The following PPP1R16B variants were observed in gnomAD, a reference collection of about 807,000 sequenced individuals.
The protein encoded by PPP1R16B is protein phosphatase 1 regulatory inhibitor subunit 16B.
Under a neutral mutation model 61.7 loss-of-function variants are expected in PPP1R16B, and 14 were observed. The observed-to-expected ratio is 0.23, with a 90% CI of 0.15 to 0.35. The LOEUF (loss-of-function observed/expected upper bound fraction) is 0.35. Among genes scored for constraint, PPP1R16B ranks in the 10% least tolerant of loss-of-function variants. The pLI, the probability that PPP1R16B is intolerant of heterozygous loss-of-function variation, is 1.00. For synonymous variants in PPP1R16B, 266 were observed against 305.3 expected, an observed-to-expected ratio of 0.87 and a Z score of 1.34; for missense variants, 547 against 752.5, an observed-to-expected ratio of 0.73 and a Z score of 3.19.
intron 1 of PPP1R16B, among the ~76,000 whole-genome samples, chr20:38,814,220 G>A (rs889925755): frequency 2.0e-5 from 3 of 152,122 alleles, no homozygotes; most frequent in African/African-American, 4.8e-5. Flanking sequence ...CAGGACATCC[G>A]GCTTCAAAGT....
At chr20:38,895,816 T>TCCTTCCTTCTTTCTTCCCTCCCTC (rs2085331879) in intron 4 of PPP1R16B, 106 bp downstream of exon 4, 77 of 568,608 alleles carry the variant, frequency 1.4e-4, no homozygotes, top group Middle Eastern at 1.2e-3. Context: ...TCTCCTCCCT[T>TCCTTCCTTCTTTCTTCCCTCCCTC]CCTCCTTCCT....
chr20:38,859,324 G>C (rs2085031317), intron 2 of PPP1R16B, among the ~76,000 whole-genome samples: 1 of 151,892 alleles, frequency 6.6e-6, no homozygotes. Flanking sequence ...GGGAGGGTGT[G>C]TGAAATGTTC....
intron 2 of PPP1R16B, among the ~76,000 whole-genome samples, chr20:38,873,677 TG>T (rs1234784647): frequency 6.6e-6 from 1 of 151,880 alleles, no homozygotes; most frequent in Non-Finnish European, 1.5e-5. Context: ...GTCCACACTA[TG>T]ACAGCTGGCT....
At position 38,919,489 on chromosome 20, in the gene PPP1R16B, G is replaced by T. The variant is rs979916556; in HGVS notation, c.*823G>T. On this transcript the variant is annotated 3_prime_UTR_variant, in exon 11 of 11. Coordinates refer to ENST00000299824, the MANE Select transcript of PPP1R16B (RefSeq NM_015568.4). ...TCAAAGGCAGAAGGGTGTGGGAGGGGGACAAGGTCAGTATTTACCAAAGTG... is the reference window on the plus strand; with the variant it reads ...TCAAAGGCAGAAGGGTGTGGGAGGGTGACAAGGTCAGTATTTACCAAAGTG... 6.6e-5 allele frequency: 10 copies of T among 152,114 alleles called. No homozygotes were observed. Among genetic ancestry groups the T allele is most frequent in the Non-Finnish European group, 1.0e-4 (7 of 68,016 alleles). 9.4% of individuals were successfully genotyped at this position (152,114 alleles called of 1,614,324 possible).
At chr20:38,883,533 A>G (rs2085218810) in intron 2 of PPP1R16B, among the ~76,000 whole-genome samples, 1 of 152,200 alleles carries the variant, frequency 6.6e-6, no homozygotes, top group Admixed American at 6.5e-5. Flanking sequence ...CGCCAGGAGC[A>G]GGGATACGTG....
intron 10 of PPP1R16B, among the ~76,000 whole-genome samples, chr20:38,909,907 G>A (rs2085475378): frequency 1.3e-5 from 2 of 152,204 alleles, no homozygotes; most frequent in African/African-American, 2.4e-5. Flanking sequence ...ATGTCTCCCA[G>A]CTGTGCTTTA....
At chr20:38,883,561 C>T (rs1568673085) in intron 2 of PPP1R16B, among the ~76,000 whole-genome samples, 1 of 152,200 alleles carries the variant, frequency 6.6e-6, no homozygotes, top group Non-Finnish European at 1.5e-5. Flanking sequence ...AGGGCGGGAG[C>T]CACCTCTTTG....
rs575133382 is a variant in PPP1R16B at position 38,806,415 on chromosome 20, C to A, written c.-102+623C>A. 9.9e-5 allele frequency among the ~76,000 whole-genome samples: 15 copies of A among 152,158 alleles called. No individual in the cohort carries two copies. The East Asian group carries it at 2.9e-3, about 30-fold the overall frequency. On this transcript the variant is annotated intron_variant, in intron 1 of 10. Coordinates refer to ENST00000299824, the MANE Select transcript of PPP1R16B (RefSeq NM_015568.4). The surrounding 1 kb of genome is among the most constrained non-coding windows in gnomAD (Gnocchi z 4.5). ...CGGGGAGACCCCGCGAGTGGTAGTT[C>A]CCCGGGAGGGGCGCGCCCGGCCTCT... is the stretch of plus-strand genomic sequence containing the variant.
intron 2 of PPP1R16B, among the ~76,000 whole-genome samples, chr20:38,869,893 G>A (rs1469679427): frequency 6.6e-6 from 1 of 150,732 alleles, no homozygotes; most frequent in African/African-American, 2.4e-5. Context: ...CTGTCTGCCT[G>A]CCTTCACTGC....
intron 2 of PPP1R16B, among the ~76,000 whole-genome samples, chr20:38,872,380 G>A (rs754386203): frequency 6.6e-5 from 10 of 152,204 alleles, no homozygotes; most frequent in Non-Finnish European, 1.2e-4. Context: ...CAGAGTTGGT[G>A]CCTGGCGAAC....
intron 1 of PPP1R16B, among the ~76,000 whole-genome samples, chr20:38,829,246 ACAGT>A (rs2084821981): frequency 6.6e-6 from 1 of 152,194 alleles, no homozygotes; most frequent in Admixed American, 6.5e-5. Context: ...CCTGCTGGCC[ACAGT>A]CAAACTATTT....
rs1388179087 is a variant in PPP1R16B, at chr20:38,921,705, A to G, written c.*3039A>G. The G allele has an allele frequency of 1.3e-5, 2 of 152,222 alleles. No individual in the cohort carries two copies. Among genetic ancestry groups the G allele is most frequent in the Non-Finnish European group, 2.9e-5 (2 of 68,034 alleles). The allele number at this position is 152,222 out of a possible 1,614,324, so 9.4% of individuals were successfully genotyped here. On this transcript the variant is annotated 3_prime_UTR_variant, in exon 11 of 11. Transcript: ENST00000299824. ...GGGGACTCTATAATAGCAGCTTGAG[A>G]TCAGTGTCTAGAAGACTGTTCTGCA...
intron 7 of PPP1R16B, among the ~76,000 whole-genome samples, chr20:38,906,748 A>G (rs2085446502): frequency 6.6e-6 from 1 of 151,312 alleles, no homozygotes; most frequent in South Asian, 2.1e-4. Context: ...GTTACAGCCA[A>G]CTCTTTCTTC....
chr20:38,918,645 T>C lies in PPP1R16B; in HGVS notation c.1683T>C (p.His561=). ...APIEEMEEKV[H]GCCRIS ...TAGAGGAGATGGAGGAGAAGGTGCATGGCTGTTGCCGTATCTCCTAGTCTC... is the reference window on the plus strand; with the variant it reads ...TAGAGGAGATGGAGGAGAAGGTGCACGGCTGTTGCCGTATCTCCTAGTCTC... Residue 561 remains histidine, a synonymous_variant, in exon 11 of 11, where the codon CAT becomes CAC. Transcript: ENST00000299824. This position sits in a 1 kb window ranked among gnomAD's most constrained non-coding sequence, Gnocchi z 5.3. 6.6e-7 allele frequency: 1 copy of C among 1,514,548 alleles called. No homozygotes were observed. Among genetic ancestry groups the C allele is most frequent in the Non-Finnish European group, 8.8e-7 (1 of 1,132,766 alleles). The allele number at this position is 1,514,548 out of a possible 1,614,324, so 93.8% of individuals were successfully genotyped here.
At chr20:38,861,580 ATCT>A (rs1372522431) in intron 2 of PPP1R16B, among the ~76,000 whole-genome samples, 5 of 151,696 alleles carry the variant, frequency 3.3e-5, no homozygotes, top group African/African-American at 9.7e-5. Flanking sequence ...GGGATGGGAC[ATCT>A]TCTTCCCCCC....
At chr20:38,910,949 C>T (rs570390714) in intron 10 of PPP1R16B, among the ~76,000 whole-genome samples, 27 of 151,774 alleles carry the variant, frequency 1.8e-4, no homozygotes, top group Admixed American at 3.3e-4. Flanking sequence ...AAGCCAAGAT[C>T]GAGCCACTGC....
chr20:38,899,503 C>T (rs905580376), intron 4 of PPP1R16B, among the ~76,000 whole-genome samples: 9 of 152,184 alleles, frequency 5.9e-5, no homozygotes, highest in Non-Finnish European at 1.3e-4. Flanking sequence ...TTCCCATGGT[C>T]CCCAGGTAAT....
intron 3 of PPP1R16B, among the ~76,000 whole-genome samples, chr20:38,890,044 G>T (rs1423590573): frequency 6.6e-6 from 1 of 152,220 alleles, no homozygotes; most frequent in African/African-American, 2.4e-5. Flanking sequence ...GGACTTATGT[G>T]ACCTGCCTGA....
At chr20:38,825,675 T>A (rs185654211) in intron 1 of PPP1R16B, among the ~76,000 whole-genome samples, 1 of 152,210 alleles carries the variant, frequency 6.6e-6, no homozygotes, top group East Asian at 1.9e-4. Flanking sequence ...CCACAGTGAG[T>A]TGTTGCTGTT....
Sources: gnomAD v4.1 joint callset for allele counts (sites outside exome capture counted in the v4.1 genomes callset) on GRCh38, gnomAD v4.1.1 for gene constraint, Gnocchi (gnomAD v3.1) non-coding constraint, MANE v1.5 for transcripts, NCBI Gene and HGNC (gene_info 2026-07-23, HGNC 2026-07-21) for gene names.